TBC1D16: variants seen among roughly 807,000 people sequenced by gnomAD.
TBC1D16 encodes the protein TBC1 domain family member 16, also known as CTD-2529O21.1.
Under a neutral mutation model 74.7 loss-of-function variants are expected in TBC1D16, and 58 were observed. That is an observed-to-expected ratio of 0.78 (90% CI 0.63 to 0.97). The LOEUF is 0.97. Ranked by LOEUF, TBC1D16 falls within the 50% of genes least tolerant of loss-of-function variation. The pLI, the probability that TBC1D16 is intolerant of heterozygous loss-of-function variation, is 0.00. For synonymous variants in TBC1D16, 493 were observed against 474.7 expected, an observed-to-expected ratio of 1.04 and a Z score of -0.50; for missense variants, 1,014 against 1,079.5, an observed-to-expected ratio of 0.94 and a Z score of 0.85.
Position 79,986,558 on chromosome 17 carries a change from G to A in TBC1D16, c.779+23602C>T, listed in dbSNP as rs182973226. Reference sequence around the variant, plus strand: ...AGAAAAGGCCAAAGAGAGACCACACGTGCCGCCCCCTGCCGAAGCCTGGCC... The same window carrying A: ...AGAAAAGGCCAAAGAGAGACCACACATGCCGCCCCCTGCCGAAGCCTGGCC... On this transcript the variant is annotated intron_variant, in intron 3 of 11. Transcript: ENST00000310924. This position sits in a 1 kb window ranked among gnomAD's most constrained non-coding sequence, Gnocchi z 6.0. Among the ~76,000 whole-genome samples, 3 of 152,284 alleles carry A rather than the reference G, an allele frequency of 2.0e-5. No homozygotes were observed. The highest frequency in any genetic ancestry group is 1.9e-4 in the East Asian group (1 of 5,184).
intron 2 of TBC1D16, among the ~76,000 whole-genome samples, chr17:80,011,858 G>C (rs1465777978): frequency 6.6e-6 from 1 of 152,116 alleles, no homozygotes; most frequent in Non-Finnish European, 1.5e-5. Flanking sequence ...CAAGCTGGGT[G>C]GTATTTGGGC....
chr17:80,031,238 C>A (rs903539944), intron 1 of TBC1D16, among the ~76,000 whole-genome samples: 4 of 152,154 alleles, frequency 2.6e-5, no homozygotes, highest in African/African-American at 4.8e-5. Context: ...GCGGGGCCGC[C>A]GTGATTTCTC....
At position 79,956,924 on chromosome 17, in the gene TBC1D16, C is replaced by T. The variant is rs780935514; in HGVS notation, c.780-4106G>A. ...TTAAGCCAACTTCTGCCTGGAGGCACGTTGCTGGGGGAGGTGTGCGGTGGC... is the reference window on the plus strand; with the variant it reads ...TTAAGCCAACTTCTGCCTGGAGGCATGTTGCTGGGGGAGGTGTGCGGTGGC... On this transcript the variant is annotated intron_variant, in intron 3 of 11. Transcript: ENST00000310924. This position sits in a 1 kb window ranked among gnomAD's most constrained non-coding sequence, Gnocchi z 4.0. 3.9e-5 allele frequency among the ~76,000 whole-genome samples: 6 copies of T among 152,184 alleles called. No individual in the cohort carries two copies. Among genetic ancestry groups the T allele is most frequent in the South Asian group, 4.1e-4 (2 of 4,820 alleles).
intron 9 of TBC1D16, among the ~76,000 whole-genome samples, chr17:79,945,788 A>G (rs1205464120): frequency 6.6e-6 from 1 of 152,236 alleles, no homozygotes; most frequent in East Asian, 1.9e-4. Flanking sequence ...CCGACGTCAC[A>G]CACACCCGTT....
chr17:79,948,166 C>G (rs2032718892), intron 8 of TBC1D16, among the ~76,000 whole-genome samples: 1 of 152,124 alleles, frequency 6.6e-6, no homozygotes, highest in South Asian at 2.1e-4. Context: ...CAAAACTTAG[C>G]CGGGCATGGT....
chr17:80,013,683 C>T (rs1297857624), intron 1 of TBC1D16, 74 bp from the exon 2 acceptor site: 9 of 938,830 alleles, frequency 9.6e-6, no homozygotes, highest in South Asian at 1.8e-5. Flanking sequence ...CGTGTCGCCT[C>T]GGCACCCGGT....
At position 79,956,556 on chromosome 17, in the gene TBC1D16, G is replaced by A. The variant is rs1297453229; in HGVS notation, c.780-3738C>T. On this transcript the variant is annotated intron_variant, in intron 3 of 11. Coordinates refer to ENST00000310924, the MANE Select transcript of TBC1D16 (RefSeq NM_019020.4). This position sits in a 1 kb window ranked among gnomAD's most constrained non-coding sequence, Gnocchi z 4.0. ...GGCGTGAGCCACCACGCTGGGCCCG[G>A]TGGTCGCTTTAAGTTGCTGAGTTTG... Among the ~76,000 whole-genome samples the A allele has an allele frequency of 6.6e-6, 1 of 152,160 alleles. No individual in the cohort carries two copies. Among genetic ancestry groups the A allele is most frequent in the Non-Finnish European group, 1.5e-5 (1 of 68,014 alleles).
intron 3 of TBC1D16, among the ~76,000 whole-genome samples, chr17:79,984,179 G>A (rs895005187): frequency 1.3e-5 from 2 of 152,210 alleles, no homozygotes; most frequent in East Asian, 1.9e-4. Context: ...CTGCCAGCAC[G>A]CCCAGCCAAT....
At chr17:79,973,883 C>G (rs1396825893) in intron 3 of TBC1D16, among the ~76,000 whole-genome samples, 2 of 152,122 alleles carry the variant, frequency 1.3e-5, no homozygotes, top group Admixed American at 1.3e-4. Context: ...AACCCTCCCC[C>G]AAAACAATAT....
chr17:79,978,078 C>T (rs2034411114), intron 3 of TBC1D16, among the ~76,000 whole-genome samples: 1 of 152,220 alleles, frequency 6.6e-6, no homozygotes, highest in African/African-American at 2.4e-5. Flanking sequence ...CCATCCCAGG[C>T]CTAGAACCTG....
intron 3 of TBC1D16, among the ~76,000 whole-genome samples, chr17:79,960,364 CA>C (rs2033538688): frequency 6.6e-6 from 1 of 152,130 alleles, no homozygotes; most frequent in East Asian, 1.9e-4. Context: ...TGCTCGACAG[CA>C]TTCATTATTA....
chr17:79,952,531 G>T, intron 4 of TBC1D16, 126 bp downstream of exon 4: 1 of 1,223,964 alleles, frequency 8.2e-7, no homozygotes, highest in Non-Finnish European at 1.1e-6. Context: ...GAAAGCAGAC[G>T]CTTGGGAAGA....
intron 1 of TBC1D16, chr17:80,024,106 C>T (rs1385299710): frequency 6.7e-6 from 1 of 150,256 alleles, no homozygotes; most frequent in East Asian, 1.9e-4. Flanking sequence ...CGCGACAAAG[C>T]GCAGCTCCGG....
rs139913244 is a variant in TBC1D16, at chr17:79,957,392, C to T, written c.780-4574G>A. 3.3e-4 allele frequency among the ~76,000 whole-genome samples: 50 copies of T among 152,232 alleles called. No individual in the cohort carries two copies. The East Asian group carries it at 6.8e-3, about 21-fold the overall frequency. ...TGAGCTGTCGAGCTGTGGAACAACA[C>T]GGAGGGAACTTCAGTGCGTCTTACG... On this transcript the variant is annotated intron_variant, in intron 3 of 11. Coordinates refer to ENST00000310924, the MANE Select transcript of TBC1D16 (RefSeq NM_019020.4).
In TBC1D16 at chr17:80,020,991, G is replaced by A. The variant is rs1279208635; in HGVS notation, c.-62-7382C>T. ...GGCAGGGCCGGGCACGGTGGCTCACGCCTGTAATCCCAGCACTTTGGGAGG... is the reference window on the plus strand; with the variant it reads ...GGCAGGGCCGGGCACGGTGGCTCACACCTGTAATCCCAGCACTTTGGGAGG... On this transcript the variant is annotated intron_variant, in intron 1 of 11. Coordinates refer to ENST00000310924, the MANE Select transcript of TBC1D16 (RefSeq NM_019020.4). Among the ~76,000 whole-genome samples, 8 of 150,048 alleles carry A rather than the reference G, an allele frequency of 5.3e-5. No individual in the cohort carries two copies. In the South Asian group the frequency reaches 8.4e-4, roughly 16 times the overall value.
rs903862076 is a variant in TBC1D16 at position 80,020,322 on chromosome 17, G to A, written c.-62-6713C>T. Among the ~76,000 whole-genome samples, 6 of 150,036 alleles carry A rather than the reference G, an allele frequency of 4.0e-5. No individual in the cohort carries two copies. In the East Asian group the frequency reaches 7.7e-4, roughly 19 times the overall value. The stretch of plus-strand genomic sequence containing the variant: ...TATAAGGCCAGGTGTGGTGGCTCAC[G>A]CCTGTAATCCCAGCACTTTGGAAGA... On this transcript the variant is annotated intron_variant, in intron 1 of 11. Coordinates refer to ENST00000310924, the MANE Select transcript of TBC1D16 (RefSeq NM_019020.4).
At position 79,950,013 on chromosome 17, in the gene TBC1D16, G is replaced by A; in HGVS notation, c.1258-148C>T. ...CACATATTTACAAGGGGAAAGCAGT[G>A]GCCTTCAATTCCCATACAGGACACA... On this transcript the variant is annotated intron_variant, in intron 6 of 11. Transcript: ENST00000310924. The surrounding 1 kb of genome is among the most constrained non-coding windows in gnomAD (Gnocchi z 4.6). The A allele has an allele frequency of 9.5e-7, 1 of 1,058,162 alleles. No individual in the cohort carries two copies. The highest frequency in any genetic ancestry group is 1.3e-6 in the Non-Finnish European group (1 of 745,506). The allele number at this position is 1,058,162 out of a possible 1,614,324, so 65.5% of individuals were successfully genotyped here. A position where few individuals can be genotyped will look rare whatever the true frequency, so the allele number is the denominator to read the frequency against.
chr17:80,034,756 G>C (rs2036897493), intron 1 of TBC1D16, among the ~76,000 whole-genome samples: 1 of 152,188 alleles, frequency 6.6e-6, no homozygotes, highest in South Asian at 2.1e-4. Flanking sequence ...CTGAGGCATG[G>C]ATTTGAAAAA....
rs775606299 is a variant in TBC1D16, at chr17:79,981,874, A to G, written c.779+28286T>C. ...CACTCCTCCAAGGGCGCGCCAGGGA[A>G]CAGCAGGACGCGGCCCTCCGGGGCT... On this transcript the variant is annotated intron_variant, in intron 3 of 11. Transcript: ENST00000310924. This position sits in a 1 kb window ranked among gnomAD's most constrained non-coding sequence, Gnocchi z 6.9. 2.8e-4 allele frequency among the ~76,000 whole-genome samples: 42 copies of G among 152,220 alleles called. No individual in the cohort carries two copies. The highest frequency in any genetic ancestry group is 5.3e-4 in the Non-Finnish European group (36 of 68,040).
Sources: allele counts gnomAD v4.1 joint callset (sites outside exome capture counted in the v4.1 genomes callset), GRCh38; gene constraint gnomAD v4.1.1; non-coding constraint Gnocchi (gnomAD v3.1); transcripts MANE v1.5; gene names NCBI Gene and HGNC (gene_info 2026-07-23, HGNC 2026-07-21).